ITPRID1: variants seen among roughly 807,000 people sequenced by gnomAD.
ITPRID1 encodes the protein protein ITPRID1.
A neutral mutation model predicts 95.4 loss-of-function variants in ITPRID1; 96 were observed. That is an observed-to-expected ratio of 1.01 (90% CI 0.85 to 1.19). ITPRID1 has a LOEUF of 1.19. Ranked by LOEUF, ITPRID1 falls within the 50% of genes most tolerant of loss-of-function variation. The pLI, the probability that ITPRID1 is intolerant of heterozygous loss-of-function variation, is 0.00. For missense variants in ITPRID1, 1,339 were observed against 1,252.9 expected (o/e 1.07, Z -1.04); for synonymous variants, 510 against 453.6 (o/e 1.12, Z -1.58).
At chr7:31,613,475 CT>C (rs2128165821) in intron 10 of ITPRID1, among the ~76,000 whole-genome samples, 1 of 152,124 alleles carries the variant, frequency 6.6e-6, no homozygotes, top group East Asian at 1.9e-4. Flanking sequence ...AACCAATTTG[CT>C]TACTGTAGTT....
rs1554287293 is a variant in ITPRID1, at chr7:31,577,967, GGAGA to G, written c.707_710del (p.Glu236ValfsTer7). On this transcript the variant is annotated frameshift_variant, in exon 9 of 15. Coordinates refer to ENST00000615280, the MANE Select transcript of ITPRID1 (RefSeq NM_001257967.3). LOFTEE classifies it high-confidence loss of function. Reference sequence around the variant, plus strand: ...AAACAGAGCTGAAGAGAAAGCTGGAGGAGAGAGTGTGCAAAGAACCTCAGTGAGT... The same window carrying G: ...AAACAGAGCTGAAGAGAAAGCTGGAGGAGTGTGCAAAGAACCTCAGTGAGT... 6.2e-7 allele frequency: 1 copy of G among 1,613,718 alleles called. No individual in the cohort carries two copies. Among genetic ancestry groups the G allele is most frequent in the Non-Finnish European group, 8.5e-7 (1 of 1,179,778 alleles).
intron 5 of ITPRID1, among the ~76,000 whole-genome samples, chr7:31,568,676 A>G (rs1472684212): frequency 6.6e-6 from 1 of 152,170 alleles, no homozygotes; most frequent in East Asian, 1.9e-4. Flanking sequence ...TCTGATAACC[A>G]ATATTTATTT....
rs1562598830 is a variant in ITPRID1, at chr7:31,599,642, TTTC to T, written c.1228+16454_1228+16456del. Among the ~76,000 whole-genome samples the T allele has an allele frequency of 9.3e-5, 5 of 53,844 alleles. 1 individual carries two copies. The highest frequency in any genetic ancestry group is 2.1e-4 in the Non-Finnish European group (5 of 24,308). The allele number at this position is 53,844 out of a possible 152,430, so 35.3% of individuals were successfully genotyped here. A position where few individuals can be genotyped will look rare whatever the true frequency, so the allele number is the denominator to read the frequency against. On this transcript the variant is annotated intron_variant, in intron 10 of 14. Transcript: ENST00000615280. The stretch of plus-strand genomic sequence containing the variant: ...CTTTCTTTCTTTCTTTCTTTCTTTC[TTTC>T]TTTTTCTTTCTTTCCTTTCTCTCTC...
chr7:31,607,084 G>A (rs1786657396), intron 10 of ITPRID1, among the ~76,000 whole-genome samples: 1 of 151,932 alleles, frequency 6.6e-6, no homozygotes, highest in African/African-American at 2.4e-5. Flanking sequence ...TCTTTGGATA[G>A]TCCTTTTTTT....
intron 10 of ITPRID1, among the ~76,000 whole-genome samples, chr7:31,626,467 T>G (rs1182600628): frequency 1.3e-5 from 2 of 152,220 alleles, no homozygotes; most frequent in African/African-American, 2.4e-5. Context: ...CCCACTATAT[T>G]TCTGTTTGCA....
At chr7:31,522,842 G>C in intron 1 of ITPRID1, among the ~76,000 whole-genome samples, 1 of 152,114 alleles carries the variant, frequency 6.6e-6, no homozygotes, top group East Asian at 1.9e-4. Flanking sequence ...TAACTTAAAG[G>C]TATAAATAGA....
intron 10 of ITPRID1, among the ~76,000 whole-genome samples, chr7:31,584,395 A>G (rs575851214): frequency 2.0e-5 from 3 of 152,226 alleles, no homozygotes; most frequent in Admixed American, 1.3e-4. Context: ...ATTGAGGCTT[A>G]TAAGACAAAA....
At chr7:31,643,999 A>T (rs762071933) in intron 12 of ITPRID1, 46 bp downstream of exon 12, 1 of 1,499,314 alleles carries the variant, frequency 6.7e-7, no homozygotes, top group African/African-American at 1.4e-5. Context: ...TGCACCCGTG[A>T]TAAACACCTC....
intron 10 of ITPRID1, among the ~76,000 whole-genome samples, chr7:31,584,769 TATG>T (rs1785526972): frequency 6.6e-6 from 1 of 152,264 alleles, no homozygotes; most frequent in Admixed American, 6.5e-5. Flanking sequence ...TTCATATGTA[TATG>T]ATAACTGTGT....
intron 5 of ITPRID1, among the ~76,000 whole-genome samples, chr7:31,559,755 C>T (rs1005941859): frequency 9.2e-5 from 14 of 152,238 alleles, no homozygotes; most frequent in Admixed American, 8.5e-4. Context: ...TCACATAAAA[C>T]CCATGATGAA....
In ITPRID1 at chr7:31,653,623, T is replaced by A. The variant is rs1362001413; in HGVS notation, c.*794T>A. On this transcript the variant is annotated 3_prime_UTR_variant, in exon 15 of 15. Transcript: ENST00000615280. ...AATTGTGAGGGAGGTATTTAGCTTT[T>A]AAAAAAATCTTTGTAGCTATCTCAT... The A allele has an allele frequency of 1.3e-5, 2 of 152,112 alleles. No individual in the cohort carries two copies. The highest frequency in any genetic ancestry group is 2.9e-5 in the Non-Finnish European group (2 of 68,024). 9.4% of individuals were successfully genotyped at this position (152,112 alleles called of 1,614,324 possible).
chr7:31,611,347 A>T (rs1786860696), intron 10 of ITPRID1, among the ~76,000 whole-genome samples: 2 of 151,786 alleles, frequency 1.3e-5, no homozygotes, highest in South Asian at 4.1e-4. Context: ...CTTTTAAAAC[A>T]GATGAGAATA....
intron 1 of ITPRID1, among the ~76,000 whole-genome samples, chr7:31,541,250 G>T (rs1250092663): frequency 1.3e-5 from 2 of 152,162 alleles, no homozygotes; most frequent in Non-Finnish European, 2.9e-5. Context: ...TCTCCTATTA[G>T]TTCAGTTTAT....
intron 7 of ITPRID1, among the ~76,000 whole-genome samples, chr7:31,572,553 A>T (rs1785028966): frequency 6.6e-6 from 1 of 152,224 alleles, no homozygotes; most frequent in African/African-American, 2.4e-5. Context: ...GTTACTATAC[A>T]TAAAGCAAAC....
At chr7:31,575,372 CTA>C (rs1374235633) in intron 8 of ITPRID1, among the ~76,000 whole-genome samples, 3 of 152,334 alleles carry the variant, frequency 2.0e-5, no homozygotes, top group Non-Finnish European at 2.9e-5. Flanking sequence ...CCTGATTTAA[CTA>C]TGTCTAAACC....
chr7:31,554,744 C>T, intron 4 of ITPRID1, 114 bp from the exon 5 acceptor site: 1 of 1,056,834 alleles, frequency 9.5e-7, no homozygotes. Context: ...TCTAAAAGTC[C>T]TCTCTTACTA....
At chr7:31,598,925 G>C (rs75803822) in intron 10 of ITPRID1, among the ~76,000 whole-genome samples, 3,868 of 152,280 alleles carry the variant, frequency 0.025, 75 homozygotes, top group South Asian at 0.064. Context: ...AAGTGTTGGT[G>C]AGGCTATGGA....
Position 31,640,642 on chromosome 7 carries a change from CTT to C in ITPRID1, c.1229-1521_1229-1520del, listed in dbSNP as rs71557497. On this transcript the variant is annotated intron_variant, in intron 10 of 14. Transcript: ENST00000615280. ...GTCTGAGGTCCATTGTCTCGAAAAA[CTT>C]TTTTTTTTTTTTCCACATATCTTGT... Among the ~76,000 whole-genome samples, 68 of 147,224 alleles carry C rather than the reference CTT, an allele frequency of 4.6e-4. 1 individual carries two copies. The East Asian group carries it at 9.8e-3, about 21-fold the overall frequency.
intron 1 of ITPRID1, among the ~76,000 whole-genome samples, chr7:31,530,748 A>C (rs988482239): frequency 6.6e-6 from 1 of 152,166 alleles, no homozygotes; most frequent in Non-Finnish European, 1.5e-5. Context: ...CTTGGGTTCA[A>C]ACCTTAAAAA....
Sources: gnomAD v4.1 joint callset for allele counts (sites outside exome capture counted in the v4.1 genomes callset) on GRCh38, gnomAD v4.1.1 for gene constraint, MANE v1.5 for transcripts, NCBI Gene and HGNC (gene_info 2026-07-23, HGNC 2026-07-21) for gene names.